WNT2: variants seen among roughly 807,000 people sequenced by gnomAD.
The protein encoded by WNT2 is Wnt family member 2.
A neutral mutation model predicts 36.9 loss-of-function variants in WNT2; 12 were observed. That is an observed-to-expected ratio of 0.33 (90% CI 0.21 to 0.53). The LOEUF (loss-of-function observed/expected upper bound fraction) is 0.53. WNT2 is among the 20% of genes least tolerant of loss of function. The pLI is 0.95. For synonymous variants in WNT2, 163 were observed against 174.6 expected, an observed-to-expected ratio of 0.93 and a Z score of 0.52; for missense variants, 379 against 473.1, an observed-to-expected ratio of 0.80 and a Z score of 1.84.
At chr7:117,309,968 T>C (rs935204477) in intron 3 of WNT2, among the ~76,000 whole-genome samples, 2 of 152,108 alleles carry the variant, frequency 1.3e-5, no homozygotes, top group South Asian at 2.1e-4. Context: ...TTTTTTGATA[T>C]GGGATCTCAC....
intron 3 of WNT2, among the ~76,000 whole-genome samples, chr7:117,304,045 T>C (rs1584689291): frequency 6.6e-6 from 1 of 152,248 alleles, no homozygotes; most frequent in East Asian, 1.9e-4. Flanking sequence ...TCTCTTTTGA[T>C]GTATTCCTCC....
intron 4 of WNT2, among the ~76,000 whole-genome samples, chr7:117,281,852 C>T (rs927216192): frequency 4.6e-5 from 7 of 152,012 alleles, no homozygotes; most frequent in African/African-American, 1.4e-4. Flanking sequence ...AGGTAACTGG[C>T]GCCCTCGATG....
chr7:117,279,838 T>C (rs191369977), intron 4 of WNT2, among the ~76,000 whole-genome samples: 3 of 152,158 alleles, frequency 2.0e-5, no homozygotes, highest in African/African-American at 4.8e-5. Flanking sequence ...AAACGACTTA[T>C]ATCAGGATGA....
chr7:117,297,545 C>T, intron 4 of WNT2, 67 bp downstream of exon 4: 1 of 1,529,820 alleles, frequency 6.5e-7, no homozygotes, highest in Admixed American at 1.8e-5. Context: ...TACAGAACCT[C>T]ATTTAAATTG....
Position 117,278,406 on chromosome 7 carries a change from G to A in WNT2, c.854-22C>T. The stretch of plus-strand genomic sequence containing the variant: ...GAGCCTGGAAGACAAGCCAGGGAGT[G>A]TTACTGAAAAGGTCTGGGTGGAATC... On this transcript the variant is annotated intron_variant, in intron 4 of 4. Coordinates refer to ENST00000265441, the MANE Select transcript of WNT2 (RefSeq NM_003391.3). 5 of 1,603,430 alleles carry A rather than the reference G, an allele frequency of 3.1e-6. No homozygotes were observed. The South Asian group carries it at 3.3e-5, about 11-fold the overall frequency.
intron 2 of WNT2, among the ~76,000 whole-genome samples, chr7:117,316,829 G>T (rs1795229090): frequency 1.3e-5 from 2 of 152,160 alleles, no homozygotes; most frequent in Admixed American, 1.3e-4. Context: ...AAATATGATG[G>T]TTACGAGAGC....
At chr7:117,297,567 T>C (rs890298986) in intron 4 of WNT2, 45 bp downstream of exon 4, 2 of 1,573,628 alleles carry the variant, frequency 1.3e-6, no homozygotes, top group African/African-American at 1.4e-5. Flanking sequence ...GGAGTATCAA[T>C]TGTTGAAAGA....
intron 2 of WNT2, 186 bp downstream of exon 2, chr7:117,320,381 C>G: frequency 1.6e-6 from 1 of 623,660 alleles, no homozygotes; most frequent in East Asian, 2.8e-5. Context: ...TCACCTCTTA[C>G]AAACCTCTAG....
chr7:117,312,468 C>G (rs1313490764), intron 3 of WNT2, among the ~76,000 whole-genome samples: 7 of 152,186 alleles, frequency 4.6e-5, no homozygotes, highest in Admixed American at 4.6e-4. Flanking sequence ...AGATATTGAC[C>G]TTTTGCATGT....
At chr7:117,294,651 C>A (rs1221613356) in intron 4 of WNT2, among the ~76,000 whole-genome samples, 3 of 134,768 alleles carry the variant, frequency 2.2e-5, no homozygotes, top group Admixed American at 1.4e-4. Context: ...CAACTGAGAA[C>A]CAATTTCAAA....
intron 3 of WNT2, among the ~76,000 whole-genome samples, chr7:117,311,163 C>T (rs1233903114): frequency 2.6e-5 from 4 of 152,144 alleles, no homozygotes; most frequent in Admixed American, 6.5e-5. Context: ...GGTGTGCTCA[C>T]GATGACTGGC....
intron 3 of WNT2, among the ~76,000 whole-genome samples, chr7:117,299,734 A>C (rs1303800838): frequency 6.6e-6 from 1 of 152,032 alleles, no homozygotes; most frequent in African/African-American, 2.4e-5. Flanking sequence ...GAGTTCAGGT[A>C]ATCTTCCCAT....
rs143300971 is a variant in WNT2 at position 117,294,667 on chromosome 7, T to A, written c.853+2945A>T. 1.0e-3 allele frequency among the ~76,000 whole-genome samples: 158 copies of A among 151,556 alleles called. 4 individuals carry two copies. The East Asian group carries it at 0.028, about 27-fold the overall frequency. ...AACTGAGAACCAATTTCAAATTTTT[T>A]AAAGTCAGATAAGCTAAAATTTGTC... On this transcript the variant is annotated intron_variant, in intron 4 of 4. Coordinates refer to ENST00000265441, the MANE Select transcript of WNT2 (RefSeq NM_003391.3).
chr7:117,295,533 T>C (rs186488064), intron 4 of WNT2, among the ~76,000 whole-genome samples: 90 of 152,362 alleles, frequency 5.9e-4, no homozygotes, highest in Middle Eastern at 6.8e-3. Flanking sequence ...ATAAATGTCA[T>C]ACCTGTTATA....
At position 117,278,081 on chromosome 7, in the gene WNT2, C is replaced by T. The variant is rs1794411953; in HGVS notation, c.*74G>A. ...TAGGAAATATCCCCCCAGAAAGAAC[C>T]CAAAGGTCCAGTGTTCTTGCAGATC... On this transcript the variant is annotated 3_prime_UTR_variant, in exon 5 of 5. Transcript: ENST00000265441. The T allele has an allele frequency of 6.6e-7, 1 of 1,514,096 alleles. No homozygotes were observed. Among genetic ancestry groups the T allele is most frequent in the Non-Finnish European group, 9.1e-7 (1 of 1,098,386 alleles). The allele number at this position is 1,514,096 out of a possible 1,614,324, so 93.8% of individuals were successfully genotyped here. A position where few individuals can be genotyped will look rare whatever the true frequency, so the allele number is the denominator to read the frequency against.
intron 4 of WNT2, among the ~76,000 whole-genome samples, chr7:117,292,019 C>T (rs1477075744): frequency 5.9e-5 from 9 of 152,118 alleles, no homozygotes; most frequent in East Asian, 1.9e-4. Context: ...TCAGGTGAGC[C>T]GCCCTCCTCG....
At chr7:117,283,531 G>A (rs1794531740) in intron 4 of WNT2, among the ~76,000 whole-genome samples, 1 of 152,176 alleles carries the variant, frequency 6.6e-6, no homozygotes, top group Admixed American at 6.5e-5. Flanking sequence ...TTTCCTGAGT[G>A]GCTTCCAGCC....
intron 4 of WNT2, among the ~76,000 whole-genome samples, chr7:117,285,548 A>T (rs17139590): frequency 0.033 from 5,006 of 152,288 alleles, 126 homozygotes; most frequent in African/African-American, 0.031. Flanking sequence ...CTTGATCTTT[A>T]TAGGACAAAT....
intron 3 of WNT2, among the ~76,000 whole-genome samples, chr7:117,305,026 G>C (rs1010052453): frequency 6.6e-6 from 1 of 152,104 alleles, no homozygotes; most frequent in African/African-American, 2.4e-5. Flanking sequence ...GTTGTGATCA[G>C]CTCCTACCAT....
Sources: gnomAD v4.1 joint callset for allele counts (sites outside exome capture counted in the v4.1 genomes callset) on GRCh38, gnomAD v4.1.1 for gene constraint, MANE v1.5 for transcripts, NCBI Gene and HGNC (gene_info 2026-07-23, HGNC 2026-07-21) for gene names.